Variants in C3orf70 observed in about 807,000 individuals in gnomAD.
The protein encoded by C3orf70 is chromosome 3 open reading frame 70.
A neutral mutation model predicts 20.7 loss-of-function variants in C3orf70; 15 were observed. The observed-to-expected ratio is 0.72, with a 90% CI of 0.48 to 1.11. The LOEUF (loss-of-function observed/expected upper bound fraction) is 1.11, where lower values mean the gene tolerates loss of function less well. C3orf70 is among the 50% of genes most tolerant of loss of function. The pLI, the probability that C3orf70 is intolerant of heterozygous loss-of-function variation, is 0.00. For missense variants in C3orf70, 332 were observed against 317.6 expected, an observed-to-expected ratio of 1.05 and a Z score of -0.34; for synonymous variants, 161 against 125.7, an observed-to-expected ratio of 1.28 and a Z score of -1.88.
intron 1 of C3orf70, among the ~76,000 whole-genome samples, chr3:185,121,797 A>G (rs973641774): frequency 9.9e-5 from 15 of 152,156 alleles, no homozygotes; most frequent in African/African-American, 4.8e-5. Context: ...AAAGAAATAA[A>G]TTGGTTAAAA....
At chr3:185,098,103 C>T (rs1715748213) in intron 1 of C3orf70, among the ~76,000 whole-genome samples, 1 of 152,156 alleles carries the variant, frequency 6.6e-6, no homozygotes, top group African/African-American at 2.4e-5. Context: ...AGCCATAAGC[C>T]TGCAGGGGAA....
rs7631911 is a variant in C3orf70, at chr3:185,150,727, T to C, written c.196+1901A>G. ...GACTGATCAGACCACAACTGGAATA[T>C]TGTCTACCTTTCTAGGGGCCACAGT... is the stretch of plus-strand genomic sequence containing the variant. On this transcript the variant is annotated intron_variant, in intron 1 of 1. Transcript: ENST00000335012. 2.6e-3 allele frequency among the ~76,000 whole-genome samples: 395 copies of C among 152,314 alleles called. 1 individual carries two copies. Among genetic ancestry groups the C allele is most frequent in the African/African-American group, 9.2e-3 (381 of 41,574 alleles).
At chr3:185,119,041 T>C (rs16859642) in intron 1 of C3orf70, among the ~76,000 whole-genome samples, 7,900 of 152,276 alleles carry the variant, frequency 0.052, 666 homozygotes, top group African/African-American at 0.18. Flanking sequence ...ATACATGATC[T>C]ATCCCTTCAG....
At chr3:185,127,369 C>A (rs1236164910) in intron 1 of C3orf70, among the ~76,000 whole-genome samples, 1 of 152,078 alleles carries the variant, frequency 6.6e-6, no homozygotes, top group African/African-American at 2.4e-5. Flanking sequence ...ATTTCTAACT[C>A]CCTGAGAAGA....
chr3:185,143,395 G>A (rs997663834), intron 1 of C3orf70, among the ~76,000 whole-genome samples: 5 of 152,114 alleles, frequency 3.3e-5, no homozygotes, highest in Non-Finnish European at 7.3e-5. Flanking sequence ...AAATGAGATA[G>A]AGATATACAG....
intron 1 of C3orf70, among the ~76,000 whole-genome samples, chr3:185,113,549 A>T (rs1413103492): frequency 6.6e-6 from 1 of 152,242 alleles, no homozygotes; most frequent in Non-Finnish European, 1.5e-5. Context: ...AGAAGGACCT[A>T]TAAATAACTA....
intron 1 of C3orf70, among the ~76,000 whole-genome samples, chr3:185,108,347 A>G (rs1342780258): frequency 6.6e-6 from 1 of 152,216 alleles, no homozygotes; most frequent in African/African-American, 2.4e-5. Flanking sequence ...TGAGGTATTG[A>G]CTGCTTTTGA....
intron 1 of C3orf70, among the ~76,000 whole-genome samples, chr3:185,125,618 A>C (rs141666358): frequency 1.3e-5 from 2 of 152,284 alleles, no homozygotes; most frequent in African/African-American, 4.8e-5. Context: ...CAGCTGATGA[A>C]TGTTAAACAA....
chr3:185,103,798 G>T (rs1044017589), intron 1 of C3orf70, among the ~76,000 whole-genome samples: 1 of 152,194 alleles, frequency 6.6e-6, no homozygotes, highest in African/African-American at 2.4e-5. Context: ...AGATAAGCAG[G>T]TAAGATCCAA....
chr3:185,132,037 C>T (rs941937465), intron 1 of C3orf70, among the ~76,000 whole-genome samples: 2 of 152,154 alleles, frequency 1.3e-5, no homozygotes, highest in African/African-American at 4.8e-5. Flanking sequence ...TTCAGACTTC[C>T]AGGCTGGTCC....
At chr3:185,115,107 C>T (rs1008219634) in intron 1 of C3orf70, among the ~76,000 whole-genome samples, 19 of 151,788 alleles carry the variant, frequency 1.3e-4, no homozygotes, top group Admixed American at 1.1e-3. Flanking sequence ...CTTCCTCCCA[C>T]CTAAGATTTT....
At chr3:185,087,419 C>G (rs546997986) in intron 1 of C3orf70, among the ~76,000 whole-genome samples, 1 of 152,116 alleles carries the variant, frequency 6.6e-6, no homozygotes, top group Admixed American at 6.5e-5. Flanking sequence ...GGAAGCAACA[C>G]AAGTGTCCAT....
At position 185,079,280 on chromosome 3, in the gene C3orf70, C is replaced by CAAAAAAA. The variant is rs60241057; in HGVS notation, c.*3720_*3726dup. On this transcript the variant is annotated 3_prime_UTR_variant, in exon 2 of 2. Transcript: ENST00000335012. ...TGGGTGAAGGAGCGAGACTCTGTCTCAAAAAAAAAAAAAAAAAAAAAAAAG... is the reference window on the plus strand; with the variant it reads ...TGGGTGAAGGAGCGAGACTCTGTCTCAAAAAAAAAAAAAAAAAAAAAAAAAAAAAAAG... The CAAAAAAA allele has an allele frequency of 5.1e-4, 26 of 50,624 alleles. 1 individual carries two copies. The highest frequency in any genetic ancestry group is 1.4e-3 in the African/African-American group (22 of 15,414). 3.1% of individuals were successfully genotyped at this position (50,624 alleles called of 1,614,324 possible).
intron 1 of C3orf70, among the ~76,000 whole-genome samples, chr3:185,147,649 T>C (rs746696972): frequency 2.6e-5 from 4 of 152,240 alleles, no homozygotes; most frequent in South Asian, 2.1e-4. Flanking sequence ...GAAATGGACA[T>C]AATTACATAA....
chr3:185,094,378 A>G (rs1715658296), intron 1 of C3orf70, among the ~76,000 whole-genome samples: 3 of 152,012 alleles, frequency 2.0e-5, no homozygotes, highest in Admixed American at 1.3e-4. Context: ...CGCCCGGCCT[A>G]TTTGTATTTT....
intron 1 of C3orf70, among the ~76,000 whole-genome samples, chr3:185,141,150 T>A (rs1331534446): frequency 6.6e-6 from 1 of 152,042 alleles, no homozygotes; most frequent in African/African-American, 2.4e-5. Context: ...AGAAACAAAC[T>A]TCTATTGTTT....
chr3:185,121,359 A>T (rs538524918), intron 1 of C3orf70, among the ~76,000 whole-genome samples: 1,232 of 121,118 alleles, frequency 0.01, 9 homozygotes, highest in Middle Eastern at 0.031. Flanking sequence ...TATGGAAATT[A>T]AAAAAAAAAA....
At chr3:185,149,439 T>C (rs986436255) in intron 1 of C3orf70, among the ~76,000 whole-genome samples, 6 of 151,878 alleles carry the variant, frequency 4.0e-5, no homozygotes, top group Non-Finnish European at 7.4e-5. Flanking sequence ...ATTGTGTCCT[T>C]AGACTCTGCA....
intron 1 of C3orf70, among the ~76,000 whole-genome samples, chr3:185,107,904 C>A (rs1316673135): frequency 2.7e-5 from 4 of 150,594 alleles, no homozygotes; most frequent in Non-Finnish European, 5.9e-5. Flanking sequence ...TGTCCAAGAA[C>A]AGGACTTAGT....
Sources: allele counts gnomAD v4.1 joint callset (sites outside exome capture counted in the v4.1 genomes callset), GRCh38; gene constraint gnomAD v4.1.1; transcripts MANE v1.5; gene names NCBI Gene and HGNC (gene_info 2026-07-23, HGNC 2026-07-21).